BBS12: variants seen among roughly 807,000 people sequenced by gnomAD.
BBS12 encodes the protein chaperonin-containing T-complex member BBS12.
A neutral mutation model predicts 5.6 loss-of-function variants in BBS12; 5 were observed. The observed-to-expected ratio is 0.89, with a 90% confidence interval of 0.46 to 1.86. BBS12 has a LOEUF of 1.86. BBS12 is among the 40% of genes most tolerant of loss of function. The pLI is 0.01. For synonymous variants in BBS12, 308 were observed against 306.8 expected (o/e 1.00, Z -0.04); for missense variants, 748 against 830.4 (o/e 0.90, Z 1.22).
In BBS12 at chr4:122,743,718, ACTC is replaced by A; in HGVS notation, c.1827_1829del (p.Tyr609_Ser610delinsTer). 1 of 1,614,214 alleles carries A rather than the reference ACTC, an allele frequency of 6.2e-7. No individual in the cohort carries two copies. The highest frequency in any genetic ancestry group is 8.5e-7 in the Non-Finnish European group (1 of 1,180,046). Reference sequence around the variant, plus strand: ...ACTCTCCTATATAACACTGCCAATTACTCATCAGAATTTGAAGCCAGCACATAC... The same window carrying A: ...ACTCTCCTATATAACACTGCCAATTAATCAGAATTTGAAGCCAGCACATAC... On this transcript the variant is annotated stop_gained and inframe_deletion, in exon 2 of 2. Coordinates refer to ENST00000314218, the MANE Select transcript of BBS12 (RefSeq NM_152618.3). LOFTEE classifies it high-confidence loss of function.
At chr4:122,728,684 T>C (rs994525575), upstream of BBS12, 2 of 152,234 alleles carry the variant, frequency 1.3e-5, no homozygotes, top group African/African-American at 4.8e-5. Context: ...AAAGACACTG[T>C]GAAAACACTT....
At chr4:122,729,324 C>G (rs1425383397), upstream of BBS12, 1 of 152,262 alleles carries the variant, frequency 6.6e-6, no homozygotes, top group Non-Finnish European at 1.5e-5. Context: ...GTTCCAGGCC[C>G]AAGGCCCACT....
chr4:122,703,315 C>G, the BBS12 span, among the ~76,000 whole-genome samples: 1 of 151,496 alleles, frequency 6.6e-6, no homozygotes, highest in Admixed American at 6.6e-5. Context: ...CAGTCTCTCT[C>G]TCTCTGCCTC....
chr4:122,737,620 T>G (rs1800802271), intron 1 of BBS12, among the ~76,000 whole-genome samples: 1 of 152,184 alleles, frequency 6.6e-6, no homozygotes, highest in South Asian at 2.1e-4. Context: ...TTCAACAAAT[T>G]ATTCTGGAGC....
chr4:122,736,466 C>T (rs996229243), intron 1 of BBS12, among the ~76,000 whole-genome samples: 25 of 152,158 alleles, frequency 1.6e-4, no homozygotes, highest in African/African-American at 6.0e-4. Context: ...TGTCTTATTA[C>T]TCTAAACTGA....
At chr4:122,704,430 A>G in the BBS12 span, among the ~76,000 whole-genome samples, 2 of 152,204 alleles carry the variant, frequency 1.3e-5, no homozygotes, top group Admixed American at 6.5e-5. Context: ...TGACCTGACC[A>G]AGGACAAAGA....
intron 1 of BBS12, chr4:122,734,022 A>G (rs1800747227): frequency 6.6e-6 from 1 of 152,108 alleles, no homozygotes; most frequent in Non-Finnish European, 1.5e-5. Context: ...TCTTGTTCAT[A>G]TTATATCCCA....
At chr4:122,705,380 G>A in the BBS12 span, among the ~76,000 whole-genome samples, 2 of 152,188 alleles carry the variant, frequency 1.3e-5, no homozygotes, top group African/African-American at 2.4e-5. Flanking sequence ...GCCAAGGTGG[G>A]AGGATTATTT....
chr4:122,709,716 G>A, the BBS12 span, among the ~76,000 whole-genome samples: 603 of 151,984 alleles, frequency 4.0e-3, 2 homozygotes, highest in African/African-American at 0.014. Context: ...TTGCAGTGGC[G>A]TGACCTTGGC....
At chr4:122,722,241 C>T in the BBS12 span, among the ~76,000 whole-genome samples, 10 of 152,100 alleles carry the variant, frequency 6.6e-5, no homozygotes, top group African/African-American at 2.2e-4. Context: ...TAAGTATGGG[C>T]GTGTTTCAGG....
the BBS12 span, among the ~76,000 whole-genome samples, chr4:122,723,753 G>A: frequency 6.6e-6 from 1 of 152,200 alleles, no homozygotes. Context: ...GAGGAAGAAA[G>A]TATTTGAGTG....
Position 122,743,815 on chromosome 4 carries a change from TA to T in BBS12, c.1926del (p.Lys642AsnfsTer2). 6.2e-7 allele frequency: 1 copy of T among 1,609,554 alleles called. No individual in the cohort carries two copies. The highest frequency in any genetic ancestry group is 1.1e-5 in the South Asian group (1 of 89,816). Reference protein sequence around the residue: ...PSSYILNEYSKLNSRIFNSDI... With the variant: ...PSSYILNEYSXLNSRIFNSDI... ...CATCTTACATCTTGAATGAATATAG[TA>T]AACTAAATAGTAGAATTTTTAATTC... On this transcript the variant is annotated frameshift_variant, in exon 2 of 2. Coordinates refer to ENST00000314218, the MANE Select transcript of BBS12 (RefSeq NM_152618.3). LOFTEE classifies it high-confidence loss of function.
the BBS12 span, among the ~76,000 whole-genome samples, chr4:122,716,567 A>G: frequency 6.7e-5 from 10 of 149,328 alleles, no homozygotes; most frequent in African/African-American, 2.4e-4. Context: ...ATATGTATAT[A>G]TAAACATATG....
the BBS12 span, among the ~76,000 whole-genome samples, chr4:122,721,405 G>A: frequency 6.6e-6 from 1 of 152,208 alleles, no homozygotes; most frequent in African/African-American, 2.4e-5. Flanking sequence ...TTAGGGAATT[G>A]TTACAAGTAG....
chr4:122,735,539 G>A (rs1380561366), intron 1 of BBS12, among the ~76,000 whole-genome samples: 3 of 152,128 alleles, frequency 2.0e-5, no homozygotes, highest in Non-Finnish European at 4.4e-5. Context: ...CAACTAAGGC[G>A]GTGCCAAATA....
intron 1 of BBS12, among the ~76,000 whole-genome samples, chr4:122,738,399 A>G (rs1396890603): frequency 6.6e-6 from 1 of 151,996 alleles, no homozygotes; most frequent in East Asian, 1.9e-4. Context: ...TTTAACAGAG[A>G]CGGGTTTCAC....
the BBS12 span, among the ~76,000 whole-genome samples, chr4:122,711,122 G>C: frequency 1.8e-4 from 28 of 152,150 alleles, no homozygotes; most frequent in African/African-American, 5.1e-4. Flanking sequence ...CTTTCTCTAA[G>C]CAGATTCTTC....
At chr4:122,707,670 C>T in the BBS12 span, among the ~76,000 whole-genome samples, 4 of 152,202 alleles carry the variant, frequency 2.6e-5, no homozygotes, top group Non-Finnish European at 5.9e-5. Flanking sequence ...AGCCTCCACC[C>T]CTAGCCAGGC....
At chr4:122,706,997 A>C in the BBS12 span, among the ~76,000 whole-genome samples, 1,513 of 147,278 alleles carry the variant, frequency 0.01, 14 homozygotes, top group Non-Finnish European at 0.018. Flanking sequence ...AATTTTACTA[A>C]CTTTTTTCCT....
Sources: allele counts gnomAD v4.1 joint callset (sites outside exome capture counted in the v4.1 genomes callset), GRCh38; gene constraint gnomAD v4.1.1; transcripts MANE v1.5; gene names NCBI Gene and HGNC (gene_info 2026-07-23, HGNC 2026-07-21).